The following ZNF331 variants were observed in gnomAD, a reference collection of about 807,000 sequenced individuals.
ZNF331 encodes the protein zinc finger protein 331, also known as C2H2-like zinc finger protein rearranged in thyroid adenomas.
A neutral mutation model predicts 7.0 loss-of-function variants in ZNF331; 2 were observed. That is an observed-to-expected ratio of 0.29 (90% CI 0.12 to 0.90). The LOEUF (loss-of-function observed/expected upper bound fraction) is 0.90. Ranked by LOEUF, ZNF331 falls within the 40% of genes least tolerant of loss-of-function variation. The probability of loss-of-function intolerance (pLI) is 0.58; values close to 1 mark genes in which losing one functional copy is unlikely to be tolerated. For synonymous variants in ZNF331, 196 were observed against 205.4 expected, an observed-to-expected ratio of 0.95 and a Z score of 0.39; for missense variants, 432 against 587.7, an observed-to-expected ratio of 0.74 and a Z score of 2.74.
Position 53,560,628 on chromosome 19 carries a change from C to G in ZNF331, c.-74+4720C>G, listed in dbSNP as rs574364888. ...GAAGTCTGAAGTGGGTCTCACCGGG[C>G]TAAAACCAGGTTGTTGGAGGCTGTA... On this transcript the variant is annotated intron_variant, in intron 3 of 5. Coordinates refer to ENST00000449416, the MANE Select transcript of ZNF331 (RefSeq NM_001079906.2). This position sits in a 1 kb window ranked among gnomAD's most constrained non-coding sequence, Gnocchi z 4.3. 3.3e-5 allele frequency among the ~76,000 whole-genome samples: 5 copies of G among 152,258 alleles called. No individual in the cohort carries two copies. The highest frequency in any genetic ancestry group is 9.6e-5 in the African/African-American group (4 of 41,554).
At chr19:53,545,919 A>T (rs1398846010) in intron 2 of ZNF331, among the ~76,000 whole-genome samples, 1 of 152,084 alleles carries the variant, frequency 6.6e-6, no homozygotes, top group African/African-American at 2.4e-5. Context: ...TGTCGGGAGC[A>T]TCACGTGTTC....
intron 2 of ZNF331, among the ~76,000 whole-genome samples, chr19:53,546,032 G>A (rs1009770273): frequency 6.6e-6 from 1 of 151,578 alleles, no homozygotes; most frequent in Admixed American, 6.6e-5. Flanking sequence ...GGGGACAGGC[G>A]TGCCCTGGAG....
At position 53,529,400 on chromosome 19, in the gene ZNF331, T is replaced by TAAA. The variant is rs369822556; in HGVS notation, c.-205+6716_-205+6717insAAA. On this transcript the variant is annotated intron_variant, in intron 2 of 6. Transcript: ENST00000253144. ...GGGCGACAGAGCAAGACTCTGTCTTTTAAAAAAAAAAAAAAAATTATTCTC... is the reference window on the plus strand; with the variant it reads ...GGGCGACAGAGCAAGACTCTGTCTTTAAATAAAAAAAAAAAAAAAATTATTCTC... Among the ~76,000 whole-genome samples the TAAA allele has an allele frequency of 2.4e-3, 362 of 148,920 alleles. 7 individuals are homozygous for TAAA. In the East Asian group the frequency reaches 0.027, roughly 11 times the overall value.
chr19:53,543,302 T>C lies in ZNF331; in HGVS notation c.-138+4020T>C, dbSNP rs550131565. On this transcript the variant is annotated intron_variant, in intron 2 of 5. Coordinates refer to ENST00000449416, the MANE Select transcript of ZNF331 (RefSeq NM_001079906.2). The stretch of plus-strand genomic sequence containing the variant: ...TTTTTTGAGACGGAGTCTCGCCCTG[T>C]CTCCCAGGCTGGAGTGTAATGGTGC... Among the ~76,000 whole-genome samples, 64 of 152,282 alleles carry C rather than the reference T, an allele frequency of 4.2e-4. 1 individual carries two copies. The East Asian group carries it at 0.012, about 28-fold the overall frequency.
At chr19:53,562,170 G>C (rs1288972408) in intron 3 of ZNF331, among the ~76,000 whole-genome samples, 1 of 151,548 alleles carries the variant, frequency 6.6e-6, no homozygotes, top group Non-Finnish European at 1.5e-5. Context: ...AAAATAGCTA[G>C]AGATTCTAGA....
chr19:53,553,219 A>G (rs959561469), intron 2 of ZNF331, among the ~76,000 whole-genome samples: 2 of 151,698 alleles, frequency 1.3e-5, no homozygotes, highest in African/African-American at 4.8e-5. Flanking sequence ...ATTTTTAAAA[A>G]TTACTGTCTT....
chr19:53,512,135 G>T, the ZNF331 span: 1 of 152,322 alleles, frequency 6.6e-6, no homozygotes, highest in Non-Finnish European at 1.5e-5. Context: ...TGTTATCTCC[G>T]GTCCGGGGAA....
At chr19:53,556,099 C>T (rs1006496227) in intron 3 of ZNF331, among the ~76,000 whole-genome samples, 191 bp downstream of exon 3, 26 of 151,424 alleles carry the variant, frequency 1.7e-4, no homozygotes, top group African/African-American at 5.3e-4. Flanking sequence ...AAAAATTAGC[C>T]GGGAGTGGTG....
intron 2 of ZNF331, among the ~76,000 whole-genome samples, chr19:53,526,797 C>T (rs1027546773): frequency 5.9e-5 from 9 of 151,532 alleles, no homozygotes; most frequent in Non-Finnish European, 1.3e-4. Flanking sequence ...CGTGATCCGC[C>T]CACCTCGGCC....
At chr19:53,520,665 T>G (rs895361617), upstream of ZNF331, among the ~76,000 whole-genome samples, 1 of 152,230 alleles carries the variant, frequency 6.6e-6, no homozygotes, top group Non-Finnish European at 1.5e-5. Context: ...GATTCCCGCG[T>G]AGTGAGCATT....
chr19:53,546,843 C>T (rs1389461181), intron 2 of ZNF331, among the ~76,000 whole-genome samples: 1 of 152,136 alleles, frequency 6.6e-6, no homozygotes. Context: ...TTCACTTGGA[C>T]TTCTTTGGGC....
At chr19:53,523,583 C>A (rs548109250) in intron 2 of ZNF331, 4 of 151,796 alleles carry the variant, frequency 2.6e-5, no homozygotes, top group Admixed American at 2.6e-4. Context: ...TCTTATATAT[C>A]GTGAATATTA....
rs145638865 is a variant in ZNF331 at position 53,524,538 on chromosome 19, G to A, written c.-205+1854G>A. Among the ~76,000 whole-genome samples the A allele has an allele frequency of 6.6e-3, 1,006 of 152,280 alleles. 12 individuals carry two copies. Among genetic ancestry groups the A allele is most frequent in the African/African-American group, 0.023 (961 of 41,564 alleles). ...AGTGATGATGAGCATTTTTTCATGTGTCTGTTGGCTGCATAGATGTCTTCT... is the reference window on the plus strand; with the variant it reads ...AGTGATGATGAGCATTTTTTCATGTATCTGTTGGCTGCATAGATGTCTTCT... On this transcript the variant is annotated intron_variant, in intron 2 of 6. Transcript: ENST00000253144.
At chr19:53,504,348 T>G in the ZNF331 span, 1 of 211,306 alleles carries the variant, frequency 4.7e-6, no homozygotes, top group African/African-American at 2.3e-5. Flanking sequence ...AATGTTTATG[T>G]TTCTTCATTG....
At chr19:53,568,003 C>T (rs1226606266) in intron 3 of ZNF331, among the ~76,000 whole-genome samples, 3 of 152,214 alleles carry the variant, frequency 2.0e-5, no homozygotes, top group South Asian at 2.1e-4. Flanking sequence ...GTAATCCCAA[C>T]GCTTTGGGAG....
rs8107614 is a variant in ZNF331, at chr19:53,563,958, G to A, written c.-73-5346G>A. On this transcript the variant is annotated intron_variant, in intron 3 of 5. Coordinates refer to ENST00000449416, the MANE Select transcript of ZNF331 (RefSeq NM_001079906.2). ...TGAGGCAGGAGAATGGCTTGAACCC[G>A]GGAGGGAGAGGTTGCAGTGACCCGA... 4.8e-3 allele frequency among the ~76,000 whole-genome samples: 706 copies of A among 146,704 alleles called. 7 individuals are homozygous for A. Among genetic ancestry groups the A allele is most frequent in the African/African-American group, 0.017 (667 of 39,404 alleles).
intron 2 of ZNF331, among the ~76,000 whole-genome samples, chr19:53,551,685 C>T (rs957279768): frequency 4.6e-5 from 7 of 152,276 alleles, no homozygotes; most frequent in African/African-American, 1.7e-4. Context: ...TCCTATTTTA[C>T]AGATGCTAAC....
chr19:53,556,545 G>C (rs1192984405), intron 3 of ZNF331, among the ~76,000 whole-genome samples: 1 of 147,798 alleles, frequency 6.8e-6, no homozygotes, highest in East Asian at 2.0e-4. Context: ...GGCTGGTCTT[G>C]ATCTCATGAG....
upstream of ZNF331, among the ~76,000 whole-genome samples, chr19:53,535,871 T>C (rs2087729096): frequency 6.6e-6 from 1 of 151,682 alleles, no homozygotes; most frequent in Non-Finnish European, 1.5e-5. Flanking sequence ...AGTGGCGCAA[T>C]CTTGGCTCAC....
Sources: allele counts gnomAD v4.1 joint callset (sites outside exome capture counted in the v4.1 genomes callset), GRCh38; gene constraint gnomAD v4.1.1; non-coding constraint Gnocchi (gnomAD v3.1); transcripts MANE v1.5; gene names NCBI Gene and HGNC (gene_info 2026-07-23, HGNC 2026-07-21).